The following BICD1 variants were observed in gnomAD, a reference collection of about 807,000 sequenced individuals.
The protein encoded by BICD1 is BICD cargo adaptor 1.
In BICD1, 35 loss-of-function variants were observed where a neutral mutation model predicts 92.5. The ratio of observed to expected loss-of-function variants is 0.38; its 90% CI spans 0.29 to 0.50. The LOEUF (loss-of-function observed/expected upper bound fraction) is 0.50, where lower values mean the gene tolerates loss of function less well. Among genes scored for constraint, BICD1 ranks in the 20% least tolerant of loss-of-function variants. The pLI is 0.93. For synonymous variants in BICD1, 429 were observed against 465.1 expected (o/e 0.92, Z 1.00); for missense variants, 950 against 1,189.8 (o/e 0.80, Z 2.97).
intron 1 of BICD1, among the ~76,000 whole-genome samples, chr12:32,126,800 AAAATAT>A (rs1942359808): frequency 6.6e-6 from 1 of 152,086 alleles, no homozygotes; most frequent in Non-Finnish European, 1.5e-5. Flanking sequence ...TAAAATTGTA[AAAATAT>A]AAATATACAA....
chr12:32,277,171 AT>A (rs1401090560), intron 2 of BICD1, among the ~76,000 whole-genome samples: 2 of 152,176 alleles, frequency 1.3e-5, no homozygotes, highest in African/African-American at 4.8e-5. Flanking sequence ...AGGGAGGTGG[AT>A]CACTTGAGGC....
chr12:32,165,834 A>G (rs1237976900), intron 1 of BICD1, among the ~76,000 whole-genome samples: 1 of 152,192 alleles, frequency 6.6e-6, no homozygotes, highest in Non-Finnish European at 1.5e-5. Flanking sequence ...CAAAAGCAAA[A>G]CATGATAAAA....
At chr12:32,241,772 C>G (rs186091077) in intron 2 of BICD1, among the ~76,000 whole-genome samples, 2 of 152,154 alleles carry the variant, frequency 1.3e-5, no homozygotes, top group Non-Finnish European at 2.9e-5. Context: ...CATCAAATCA[C>G]AGACTAAAAA....
At chr12:32,280,460 G>A (rs898390698) in intron 2 of BICD1, among the ~76,000 whole-genome samples, 1 of 152,156 alleles carries the variant, frequency 6.6e-6, no homozygotes, top group Non-Finnish European at 1.5e-5. Context: ...TATAGAGGGG[G>A]AAACTAATGG....
rs747943737 is a variant in BICD1 at position 32,117,711 on chromosome 12, T to TACACACACACACACAC, written c.213+10177_213+10192dup. ...ATATATATATATACACAAATATATA[T>TACACACACACACACAC]ACACACACACACACACACACACACA... On this transcript the variant is annotated intron_variant, in intron 1 of 9. Transcript: ENST00000652176. 6.8e-3 allele frequency among the ~76,000 whole-genome samples: 798 copies of TACACACACACACACAC among 116,718 alleles called. 5 individuals carry two copies. Among genetic ancestry groups the TACACACACACACACAC allele is most frequent in the African/African-American group, 8.0e-3 (242 of 30,374 alleles). 76.6% of individuals were successfully genotyped at this position (116,718 alleles called of 152,430 possible). A position where few individuals can be genotyped will look rare whatever the true frequency, so the allele number is the denominator to read the frequency against.
Position 32,141,991 on chromosome 12 carries a change from T to A in BICD1, c.213+34447T>A, listed in dbSNP as rs117753715. On this transcript the variant is annotated intron_variant, in intron 1 of 9. Transcript: ENST00000652176. ...TCTATTTTTTTCAAAAAGGTATAAATCTTATCAATGTTTTACATTTTGCTG... is the reference window on the plus strand; with the variant it reads ...TCTATTTTTTTCAAAAAGGTATAAAACTTATCAATGTTTTACATTTTGCTG... Among the ~76,000 whole-genome samples, 329 of 152,268 alleles carry A rather than the reference T, an allele frequency of 2.2e-3. 5 individuals are homozygous for A. The highest frequency in any genetic ancestry group is 0.015 in the Admixed American group (223 of 15,288).
At chr12:32,348,411 AT>A (rs1193866544) in intron 8 of BICD1, among the ~76,000 whole-genome samples, 1 of 152,114 alleles carries the variant, frequency 6.6e-6, no homozygotes, top group African/African-American at 2.4e-5. Flanking sequence ...AAAGTTCCTT[AT>A]TTTAATCCTT....
Position 32,207,982 on chromosome 12 carries a change from TC to T in BICD1, c.214-8264del, listed in dbSNP as rs1477567620. On this transcript the variant is annotated intron_variant, in intron 1 of 9. Transcript: ENST00000652176. ...AGAGGAAGCAACAGCTTGCCAGTGT[TC>T]AATCTGAGACTTTCCAAGGTCAGAA... 3.9e-5 allele frequency among the ~76,000 whole-genome samples: 6 copies of T among 152,196 alleles called. No homozygotes were observed. In the East Asian group the frequency reaches 9.6e-4, roughly 24 times the overall value.
At chr12:32,199,856 G>A (rs1461917269) in intron 1 of BICD1, among the ~76,000 whole-genome samples, 1 of 151,886 alleles carries the variant, frequency 6.6e-6, no homozygotes, top group Non-Finnish European at 1.5e-5. Flanking sequence ...AATAAAACTC[G>A]TTTAATCCTA....
intron 1 of BICD1, among the ~76,000 whole-genome samples, chr12:32,124,803 G>A (rs570420514): frequency 7.2e-5 from 11 of 152,240 alleles, no homozygotes; most frequent in African/African-American, 2.6e-4. Context: ...TTGCAGTAGG[G>A]AGGTAGATGG....
chr12:32,178,216 G>T lies in BICD1; in HGVS notation c.214-38031G>T, dbSNP rs114639501. Among the ~76,000 whole-genome samples the T allele has an allele frequency of 4.3e-3, 652 of 151,994 alleles. 7 individuals carry two copies. Among genetic ancestry groups the T allele is most frequent in the African/African-American group, 0.015 (620 of 41,530 alleles). On this transcript the variant is annotated intron_variant, in intron 1 of 9. Transcript: ENST00000652176. The stretch of plus-strand genomic sequence containing the variant: ...ATCCCTCAAGATTCTATTTGTCACC[G>T]TCAGAGCTCAGAATAATTCTGACTC...
At chr12:32,292,127 G>C (rs559350555) in intron 2 of BICD1, among the ~76,000 whole-genome samples, 1 of 152,322 alleles carries the variant, frequency 6.6e-6, no homozygotes, top group East Asian at 1.9e-4. Context: ...GAGGCCAAAA[G>C]TCAGAAATCA....
At chr12:32,310,685 A>G (rs553269666) in intron 4 of BICD1, among the ~76,000 whole-genome samples, 10 of 152,208 alleles carry the variant, frequency 6.6e-5, no homozygotes, top group African/African-American at 2.4e-4. Context: ...GAAAATAAGT[A>G]AAAAACAAAC....
At chr12:32,182,278 CTTT>C (rs759328721) in intron 1 of BICD1, among the ~76,000 whole-genome samples, 4,702 of 81,074 alleles carry the variant, frequency 0.058, 54 homozygotes, top group Middle Eastern at 0.11. Flanking sequence ...TTCTTTCTTT[CTTT>C]TTTTTTTTTT....
At chr12:32,228,674 C>T (rs1945780393) in intron 2 of BICD1, among the ~76,000 whole-genome samples, 2 of 152,126 alleles carry the variant, frequency 1.3e-5, no homozygotes, top group Middle Eastern at 3.4e-3. Context: ...TTGAGAGTAG[C>T]CCCAATGGGA....
At chr12:32,300,812 A>T (rs1224376045) in intron 3 of BICD1, among the ~76,000 whole-genome samples, 12 of 139,688 alleles carry the variant, frequency 8.6e-5, no homozygotes, top group Non-Finnish European at 1.4e-4. Context: ...GCCCAGCTAA[A>T]TTTTTTTTTT....
chr12:32,360,471 A>G (rs1037046645), intron 8 of BICD1, among the ~76,000 whole-genome samples: 5 of 152,208 alleles, frequency 3.3e-5, no homozygotes, highest in African/African-American at 1.2e-4. Context: ...ATTTCTGGAA[A>G]TGGATGAATT....
At chr12:32,117,766 TTA>T (rs1412897037) in intron 1 of BICD1, among the ~76,000 whole-genome samples, 67 of 136,466 alleles carry the variant, frequency 4.9e-4, no homozygotes, top group African/African-American at 1.8e-3. Flanking sequence ...ATATTTTTTT[TTA>T]AGACCATATT....
At chr12:32,346,221 T>A (rs2136294241) in intron 8 of BICD1, among the ~76,000 whole-genome samples, 1 of 151,712 alleles carries the variant, frequency 6.6e-6, no homozygotes, top group South Asian at 2.1e-4. Context: ...ATATCCATAA[T>A]GTGATCATTT....
Sources: gnomAD v4.1 joint callset for allele counts (sites outside exome capture counted in the v4.1 genomes callset) on GRCh38, gnomAD v4.1.1 for gene constraint, MANE v1.5 for transcripts, NCBI Gene and HGNC (gene_info 2026-07-23, HGNC 2026-07-21) for gene names.